The following DCC variants were observed in gnomAD, a reference collection of about 807,000 sequenced individuals.
The protein encoded by DCC is netrin receptor DCC.
DCC carries 58 observed loss-of-function variants against 172.5 expected under a neutral mutation model. The observed-to-expected ratio is 0.34, with a 90% CI of 0.27 to 0.42. DCC has a LOEUF of 0.42. Ranked by LOEUF, DCC falls within the 10% of genes least tolerant of loss-of-function variation. The pLI, the probability that DCC is intolerant of heterozygous loss-of-function variation, is 1.00. For synonymous variants in DCC, 709 were observed against 644.5 expected (o/e 1.10, Z -1.52); for missense variants, 1,740 against 1,791.0 (o/e 0.97, Z 0.51).
At chr18:53,290,197 A>G (rs2056985283) in intron 12 of DCC, among the ~76,000 whole-genome samples, 1 of 152,196 alleles carries the variant, frequency 6.6e-6, no homozygotes, top group African/African-American at 2.4e-5. Flanking sequence ...AAGAGAGAGA[A>G]CAATTCCATT....
At chr18:53,065,802 TG>T (rs750746223) in intron 6 of DCC, among the ~76,000 whole-genome samples, 1 of 152,176 alleles carries the variant, frequency 6.6e-6, no homozygotes, top group Non-Finnish European at 1.5e-5. Flanking sequence ...TGCATATTTT[TG>T]TCAGCATATT....
intron 1 of DCC, among the ~76,000 whole-genome samples, chr18:52,355,646 G>A (rs1008313317): frequency 2.0e-5 from 3 of 152,098 alleles, no homozygotes; most frequent in African/African-American, 7.2e-5. Flanking sequence ...CGCCTGTGGT[G>A]TATTTAAACA....
intron 13 of DCC, among the ~76,000 whole-genome samples, chr18:53,319,078 C>T (rs528479368): frequency 3.9e-5 from 6 of 152,138 alleles, no homozygotes; most frequent in South Asian, 2.1e-4. Flanking sequence ...ATTTTGTCAC[C>T]ACCAGGCCTG....
intron 1 of DCC, among the ~76,000 whole-genome samples, chr18:52,428,935 C>T (rs565689931): frequency 1.3e-5 from 2 of 152,146 alleles, no homozygotes; most frequent in East Asian, 3.9e-4. Context: ...TACCCAGCGG[C>T]TGAACTTCTC....
intron 1 of DCC, among the ~76,000 whole-genome samples, chr18:52,670,567 TG>T (rs2035533007): frequency 2.0e-5 from 3 of 152,166 alleles, no homozygotes; most frequent in African/African-American, 7.2e-5. Flanking sequence ...TGGCCAGGCG[TG>T]GTGGCTCACG....
intron 1 of DCC, among the ~76,000 whole-genome samples, chr18:52,635,223 C>G (rs752451310): frequency 8.5e-5 from 13 of 152,168 alleles, no homozygotes; most frequent in Non-Finnish European, 1.9e-4. Context: ...TAACACCTCT[C>G]TCCAAGAAAC....
chr18:53,003,669 T>A (rs1167667313), intron 5 of DCC, among the ~76,000 whole-genome samples: 3 of 152,034 alleles, frequency 2.0e-5, no homozygotes, highest in Admixed American at 6.6e-5. Context: ...CAATTTATGG[T>A]GAAGGTTTTA....
intron 5 of DCC, among the ~76,000 whole-genome samples, chr18:53,052,802 C>T (rs903133666): frequency 2.3e-4 from 35 of 152,012 alleles, no homozygotes; most frequent in Admixed American, 2.0e-3. Flanking sequence ...TCAAACCAAC[C>T]TCCATCCCCT....
intron 2 of DCC, among the ~76,000 whole-genome samples, chr18:52,802,977 ATATT>A (rs2038021961): frequency 6.6e-6 from 1 of 152,152 alleles, no homozygotes; most frequent in African/African-American, 2.4e-5. Flanking sequence ...AAGAGAAAAT[ATATT>A]TATTAAAGTA....
intron 21 of DCC, chr18:53,416,358 G>A: frequency 1.4e-6 from 1 of 696,810 alleles, no homozygotes; most frequent in Non-Finnish European, 2.6e-6. Flanking sequence ...TTTCTTGAGA[G>A]GAAATTGTTT....
chr18:53,516,475 C>T lies in DCC; in HGVS notation c.4112-10142C>T, dbSNP rs2046335080. ...GGGATCTAATTAAACTAAAGAGCTT[C>T]TGCACAGCAAAAGAAACTACCATCA... On this transcript the variant is annotated intron_variant, in intron 27 of 28. Coordinates refer to ENST00000442544, the MANE Select transcript of DCC (RefSeq NM_005215.4). Among the ~76,000 whole-genome samples, 3 of 147,906 alleles carry T rather than the reference C, an allele frequency of 2.0e-5. No individual in the cohort carries two copies. In the South Asian group the frequency reaches 6.3e-4, roughly 31 times the overall value.
chr18:53,417,650 G>A (rs1910396734), intron 21 of DCC, among the ~76,000 whole-genome samples: 1 of 151,968 alleles, frequency 6.6e-6, no homozygotes, highest in African/African-American at 2.4e-5. Flanking sequence ...TAACTCCTAA[G>A]TTTTGAAATT....
chr18:53,130,185 G>C (rs1428473603), intron 7 of DCC, among the ~76,000 whole-genome samples: 1 of 152,046 alleles, frequency 6.6e-6, no homozygotes, highest in Non-Finnish European at 1.5e-5. Context: ...AAATATAATT[G>C]AAAATTGTGT....
intron 7 of DCC, among the ~76,000 whole-genome samples, 189 bp downstream of exon 7, chr18:53,066,355 A>ATGTATG (rs539773214): frequency 1.3e-3 from 29 of 22,924 alleles, no homozygotes; most frequent in Non-Finnish European, 1.2e-3. Flanking sequence ...ACATGTGTGT[A>ATGTATG]TATATATATA....
At chr18:52,530,245 GCA>G (rs2032108675) in intron 1 of DCC, among the ~76,000 whole-genome samples, 1 of 152,058 alleles carries the variant, frequency 6.6e-6, no homozygotes, top group East Asian at 1.9e-4. Context: ...ACACACACAC[GCA>G]CACACACAAA....
chr18:53,277,295 C>G (rs929030904), intron 12 of DCC, among the ~76,000 whole-genome samples: 3 of 151,842 alleles, frequency 2.0e-5, no homozygotes, highest in African/African-American at 7.3e-5. Flanking sequence ...CATGGTGAAA[C>G]CTCATCTCTA....
At chr18:52,979,647 A>G (rs2041174765) in intron 5 of DCC, among the ~76,000 whole-genome samples, 1 of 152,220 alleles carries the variant, frequency 6.6e-6, no homozygotes, top group Admixed American at 6.5e-5. Context: ...AACCTTTTGC[A>G]TAGCTTGTGT....
At chr18:53,215,459 C>A in intron 11 of DCC, 89 bp from the exon 12 acceptor site, 1 of 1,105,018 alleles carries the variant, frequency 9.0e-7, no homozygotes, top group Non-Finnish European at 1.4e-6. Flanking sequence ...ACTATATAAA[C>A]AAAACCACAC....
chr18:52,943,963 G>A (rs2040502519), intron 5 of DCC, among the ~76,000 whole-genome samples: 1 of 152,028 alleles, frequency 6.6e-6, no homozygotes, highest in Admixed American at 6.6e-5. Context: ...TTGCCATGTT[G>A]GCCAAATTGG....
Sources: allele counts gnomAD v4.1 joint callset (sites outside exome capture counted in the v4.1 genomes callset), GRCh38; gene constraint gnomAD v4.1.1; transcripts MANE v1.5; gene names NCBI Gene and HGNC (gene_info 2026-07-23, HGNC 2026-07-21).